Variants in MYBPC1 observed in about 807,000 individuals in gnomAD.
MYBPC1 encodes myosin-binding protein C, slow-type.
Under a neutral mutation model 147.1 loss-of-function variants are expected in MYBPC1, and 52 were observed. The observed-to-expected ratio is 0.35, with a 90% CI of 0.28 to 0.45. The LOEUF is 0.45. MYBPC1 is among the 20% of genes least tolerant of loss of function. The pLI is 1.00. For synonymous variants in MYBPC1, 477 were observed against 475.9 expected (o/e 1.00, Z -0.03); for missense variants, 1,228 against 1,440.3 (o/e 0.85, Z 2.39).
At chr12:101,676,258 A>G (rs1395873000) in intron 26 of MYBPC1, among the ~76,000 whole-genome samples, 1 of 152,188 alleles carries the variant, frequency 6.6e-6, no homozygotes, top group Non-Finnish European at 1.5e-5. Context: ...TAGATGAGGA[A>G]ACTGAGGCTT....
chr12:101,647,077 A>G (rs1565951069), intron 13 of MYBPC1, 190 bp downstream of exon 13: 2 of 673,358 alleles, frequency 3.0e-6, no homozygotes, highest in East Asian at 5.6e-5. Flanking sequence ...CAAATGCCTC[A>G]TGTTTTGACT....
chr12:101,619,750 T>G (rs1184398467), intron 3 of MYBPC1, among the ~76,000 whole-genome samples: 1 of 152,170 alleles, frequency 6.6e-6, no homozygotes, highest in Admixed American at 6.5e-5. Flanking sequence ...TTTCAGCACT[T>G]TAACTGGTCT....
downstream of MYBPC1, among the ~76,000 whole-genome samples, chr12:101,686,201 A>C (rs1594109135): frequency 6.6e-6 from 1 of 152,212 alleles, no homozygotes; most frequent in Non-Finnish European, 1.5e-5. Flanking sequence ...AAATTTTCTC[A>C]GTAGAAGGGA....
At chr12:101,634,683 T>C in intron 9 of MYBPC1, 78 bp downstream of exon 9, 1 of 1,159,314 alleles carries the variant, frequency 8.6e-7, no homozygotes, top group Non-Finnish European at 1.3e-6. Flanking sequence ...TCCTTTCCCC[T>C]GTATTCCGTA....
At chr12:101,631,409 C>G (rs1366899243) in intron 6 of MYBPC1, among the ~76,000 whole-genome samples, 162 bp from the exon 7 acceptor site, 1 of 152,186 alleles carries the variant, frequency 6.6e-6, no homozygotes, top group African/African-American at 2.4e-5. Flanking sequence ...CTAAGGACCT[C>G]TAGAGCATTC....
At chr12:101,692,176 C>T in the MYBPC1 span, among the ~76,000 whole-genome samples, 168 of 152,234 alleles carry the variant, frequency 1.1e-3, no homozygotes, top group Non-Finnish European at 2.0e-3. Context: ...GGAGGTAAGA[C>T]TAGGAAGGTA....
At chr12:101,659,535 T>C (rs572472941) in intron 18 of MYBPC1, 137 bp from the exon 19 acceptor site, 2 of 887,824 alleles carry the variant, frequency 2.3e-6, no homozygotes, top group East Asian at 5.2e-5. Context: ...AGTTACACTA[T>C]ATAGTCCACC....
Position 101,677,376 on chromosome 12 carries a change from G to A in MYBPC1, c.3091G>A (p.Ala1031Thr), listed in dbSNP as rs1241262766. The A allele has an allele frequency of 6.2e-7, 1 of 1,613,964 alleles. No homozygotes were observed. Among genetic ancestry groups the A allele is most frequent in the Non-Finnish European group, 8.5e-7 (1 of 1,179,958 alleles). The change falls in exon 27 of 32, where the codon GCA (alanine) becomes ACA (threonine). Residue 1031 changes from alanine (A) to threonine (T), a missense_variant. Coordinates refer to ENST00000361466, the MANE Select transcript of MYBPC1 (RefSeq NM_002465.4). ...SEDATMTKES[A>T]VIARDGKIYK... ...GGATGCCACCATGACTAAAGAGAGT[G>A]CAGTGATCGCCAGGGATGGTGAGTT...
In MYBPC1 at chr12:101,651,111, C is replaced by T. The variant is rs76356820; in HGVS notation, c.1364-120C>T. ...CTCTAATATATTAATTGCATTGGTACAGCTTCTCACTTTCAAAACAAACAT... is the reference window on the plus strand; with the variant it reads ...CTCTAATATATTAATTGCATTGGTATAGCTTCTCACTTTCAAAACAAACAT... On this transcript the variant is annotated intron_variant, in intron 15 of 31. Coordinates refer to ENST00000361466, the MANE Select transcript of MYBPC1 (RefSeq NM_002465.4). 1.8e-3 allele frequency: 1,922 copies of T among 1,061,656 alleles called. 18 individuals carry two copies. The African/African-American group carries it at 0.027, about 15-fold the overall frequency. 65.8% of individuals were successfully genotyped at this position (1,061,656 alleles called of 1,614,324 possible). A position where few individuals can be genotyped will look rare whatever the true frequency, so the allele number is the denominator to read the frequency against.
chr12:101,600,385 A>T (rs1879409691), intron 1 of MYBPC1: 1 of 152,164 alleles, frequency 6.6e-6, no homozygotes, highest in Non-Finnish European at 1.5e-5. Context: ...CCCGAATCAA[A>T]CATGAATGTT....
chr12:101,646,903 C>G lies in MYBPC1; in HGVS notation c.1090+16C>G. ...TTCGTAAGAGGTAAAAATGAAATCT[C>G]TTATTGTGGTCACCAGGAGCTGTTG... is the stretch of plus-strand genomic sequence containing the variant. On this transcript the variant is annotated intron_variant, in intron 13 of 31. Coordinates refer to ENST00000361466, the MANE Select transcript of MYBPC1 (RefSeq NM_002465.4). The G allele has an allele frequency of 6.2e-7, 1 of 1,613,934 alleles. No homozygotes were observed. Among genetic ancestry groups the G allele is most frequent in the East Asian group, 2.2e-5 (1 of 44,862 alleles).
chr12:101,632,086 G>A lies in MYBPC1; in HGVS notation c.504G>A (p.Glu168=). Reference sequence around the variant, plus strand: ...ACTTTGCAGGAAATTACAGATGCGAGGTCACCTATAAGGATAAGTTTGACA... The same window carrying A: ...ACTTTGCAGGAAATTACAGATGCGAAGTCACCTATAAGGATAAGTTTGACA... ...KDNFAGNYRC[E]VTYKDKFDSC... The change falls in exon 8 of 32, where the codon GAG becomes GAA. Residue 168 remains glutamate (E), a synonymous_variant. Transcript: ENST00000361466. 1 of 1,614,108 alleles carries A rather than the reference G, an allele frequency of 6.2e-7. No homozygotes were observed. The highest frequency in any genetic ancestry group is 8.5e-7 in the Non-Finnish European group (1 of 1,179,956).
At chr12:101,616,110 G>A (rs943453076) in intron 2 of MYBPC1, among the ~76,000 whole-genome samples, 5 of 152,150 alleles carry the variant, frequency 3.3e-5, no homozygotes, top group Non-Finnish European at 5.9e-5. Flanking sequence ...AAACAGTATA[G>A]AGAAGTATTA....
intron 1 of MYBPC1, among the ~76,000 whole-genome samples, chr12:101,609,749 G>A (rs1883586184): frequency 1.3e-5 from 2 of 152,162 alleles, no homozygotes; most frequent in African/African-American, 2.4e-5. Context: ...GATACTAAAA[G>A]GCAATTCATT....
intron 11 of MYBPC1, among the ~76,000 whole-genome samples, 197 bp from the exon 12 acceptor site, chr12:101,644,465 CTT>C (rs1892662288): frequency 6.6e-6 from 1 of 152,176 alleles, no homozygotes; most frequent in African/African-American, 2.4e-5. Context: ...TGTGGATTCT[CTT>C]TTCAATTTAA....
chr12:101,688,112 G>A (rs995013540), downstream of MYBPC1, among the ~76,000 whole-genome samples: 1 of 152,062 alleles, frequency 6.6e-6, no homozygotes, highest in Non-Finnish European at 1.5e-5. Flanking sequence ...TTCTTTTGGG[G>A]AACTAAACAT....
chr12:101,690,740 C>T (rs2114918), downstream of MYBPC1, among the ~76,000 whole-genome samples: 85,754 of 151,932 alleles, frequency 0.56, 25,090 homozygotes, highest in Non-Finnish European at 0.64. Flanking sequence ...GACTGTATTG[C>T]GAAATTTTGT....
intron 3 of MYBPC1, among the ~76,000 whole-genome samples, chr12:101,619,597 G>A (rs1300372565): frequency 6.6e-6 from 1 of 152,166 alleles, no homozygotes; most frequent in East Asian, 1.9e-4. Context: ...ATGTGTGCTG[G>A]GTAGGAGGAT....
chr12:101,666,086 C>G (rs987905488), intron 22 of MYBPC1: 1 of 156,552 alleles, frequency 6.4e-6, no homozygotes, highest in African/African-American at 2.4e-5. Flanking sequence ...TGCCCAAGAC[C>G]ACCCTGTGAG....
Sources: allele counts gnomAD v4.1 joint callset (sites outside exome capture counted in the v4.1 genomes callset), GRCh38; gene constraint gnomAD v4.1.1; transcripts MANE v1.5; gene names NCBI Gene and HGNC (gene_info 2026-07-23, HGNC 2026-07-21).